The following MED27 variants were observed in gnomAD, a reference collection of about 807,000 sequenced individuals.
The protein encoded by MED27 is mediator of RNA polymerase II transcription subunit 27.
Under a neutral mutation model 38.2 loss-of-function variants are expected in MED27, and 30 were observed. The ratio of observed to expected loss-of-function variants is 0.79; its 90% confidence interval spans 0.59 to 1.07. MED27 has a LOEUF of 1.07. MED27 is among the 50% of genes least tolerant of loss of function. The probability of loss-of-function intolerance (pLI) is 0.00; values close to 1 mark genes in which losing one functional copy is unlikely to be tolerated. For missense variants in MED27, 289 were observed against 397.5 expected (o/e 0.73, Z 2.32); for synonymous variants, 122 against 153.5 (o/e 0.79, Z 1.52).
At chr9:131,943,979 C>T (rs545124053) in intron 3 of MED27, among the ~76,000 whole-genome samples, 2 of 152,202 alleles carry the variant, frequency 1.3e-5, no homozygotes, top group African/African-American at 4.8e-5. Context: ...GTTTCCCTGC[C>T]CTTTGCCCTA....
chr9:132,022,623 C>T (rs1832740598), intron 2 of MED27, among the ~76,000 whole-genome samples: 1 of 152,156 alleles, frequency 6.6e-6, no homozygotes, highest in Non-Finnish European at 1.5e-5. Context: ...CCAATTAAGG[C>T]AGCTAGTGAG....
chr9:132,048,411 T>C (rs1271793810), intron 2 of MED27, among the ~76,000 whole-genome samples: 2 of 152,218 alleles, frequency 1.3e-5, no homozygotes, highest in African/African-American at 4.8e-5. Flanking sequence ...AACTTTCATA[T>C]CAGACCATTC....
intron 2 of MED27, among the ~76,000 whole-genome samples, chr9:132,061,434 C>G (rs748410996): frequency 1.3e-5 from 2 of 152,194 alleles, no homozygotes; most frequent in African/African-American, 2.4e-5. Context: ...CTGCTAGTAG[C>G]TGGTAAGTGA....
At chr9:132,002,754 A>G (rs1393619963) in intron 3 of MED27, among the ~76,000 whole-genome samples, 1 of 152,054 alleles carries the variant, frequency 6.6e-6, no homozygotes, top group African/African-American at 2.4e-5. Flanking sequence ...TCTACTAAAA[A>G]TAACAAAAAA....
chr9:132,042,875 A>T (rs1833248411), intron 2 of MED27, among the ~76,000 whole-genome samples: 1 of 152,228 alleles, frequency 6.6e-6, no homozygotes, highest in African/African-American at 2.4e-5. Flanking sequence ...AAAAGAGGTG[A>T]TCACGTACCA....
At chr9:132,050,124 T>G (rs1564340546) in intron 2 of MED27, among the ~76,000 whole-genome samples, 1 of 152,102 alleles carries the variant, frequency 6.6e-6, no homozygotes, top group East Asian at 1.9e-4. Flanking sequence ...AAATAAGGGT[T>G]CCGGCCACAG....
chr9:132,013,517 C>T (rs1198486309), intron 3 of MED27, among the ~76,000 whole-genome samples: 1 of 152,206 alleles, frequency 6.6e-6, no homozygotes. Context: ...AATCATTAAA[C>T]TGTATGCTCT....
At chr9:131,895,028 G>A (rs866982511) in intron 4 of MED27, among the ~76,000 whole-genome samples, 4 of 152,088 alleles carry the variant, frequency 2.6e-5, no homozygotes, top group Non-Finnish European at 5.9e-5. Context: ...TGTTTGTGAT[G>A]CGGTGCAACA....
chr9:132,014,914 A>G (rs968439595), intron 2 of MED27, among the ~76,000 whole-genome samples: 16 of 152,210 alleles, frequency 1.1e-4, no homozygotes, highest in African/African-American at 3.9e-4. Context: ...ACTACTATTC[A>G]TATGCTTTAT....
At chr9:131,942,201 C>T (rs776310784) in intron 3 of MED27, among the ~76,000 whole-genome samples, 28 of 152,212 alleles carry the variant, frequency 1.8e-4, no homozygotes, top group African/African-American at 5.8e-4. Flanking sequence ...CATCATCTCC[C>T]GTGGTTCCCT....
At chr9:131,908,869 TCAA>T (rs1830133880) in intron 4 of MED27, among the ~76,000 whole-genome samples, 1 of 101,280 alleles carries the variant, frequency 9.9e-6, no homozygotes, top group Non-Finnish European at 2.3e-5. Flanking sequence ...CCAAGAATGA[TCAA>T]TTAAAAAAAA....
intron 3 of MED27, among the ~76,000 whole-genome samples, chr9:131,956,960 CAATAATCA>C (rs1455728989): frequency 6.6e-6 from 1 of 152,074 alleles, no homozygotes; most frequent in East Asian, 1.9e-4. Context: ...GGCTCAACAT[CAATAATCA>C]AAGGAAAATG....
Position 132,015,624 on chromosome 9 carries a change from C to CG in MED27, c.349-1158_349-1157insC, listed in dbSNP as rs1832583959. Among the ~76,000 whole-genome samples the CG allele has an allele frequency of 2.0e-5, 3 of 152,334 alleles. No individual in the cohort carries two copies. The South Asian group carries it at 6.2e-4, about 32-fold the overall frequency. On this transcript the variant is annotated intron_variant, in intron 2 of 7. Coordinates refer to ENST00000292035, the MANE Select transcript of MED27 (RefSeq NM_004269.4). ...AAGCTCATTTGTGCCCTAACGCAGTCAATCCCCTTAGCACCTAACATCAGG... is the reference window on the plus strand; with the variant it reads ...AAGCTCATTTGTGCCCTAACGCAGTCGAATCCCCTTAGCACCTAACATCAGG...
At chr9:132,014,135 G>C (rs1411959910) in intron 3 of MED27, among the ~76,000 whole-genome samples, 3 of 152,016 alleles carry the variant, frequency 2.0e-5, no homozygotes, top group African/African-American at 7.3e-5. Flanking sequence ...GAACTCGAGG[G>C]GGTGGGGGAG....
intron 3 of MED27, among the ~76,000 whole-genome samples, chr9:131,974,897 C>A (rs1156751232): frequency 3.9e-5 from 6 of 152,222 alleles, no homozygotes; most frequent in Admixed American, 3.9e-4. Flanking sequence ...TCTCCCCCTT[C>A]TTTCCCTCAG....
In MED27 at chr9:131,877,196, C is replaced by T. The variant is rs548344009; in HGVS notation, c.723+6862G>A. On this transcript the variant is annotated intron_variant, in intron 6 of 7. Transcript: ENST00000292035. ...TGTCACAACCATGGCCTCTTCCAGG[C>T]CTTCATCTGTGGCATTTGAAGAGAG... Among the ~76,000 whole-genome samples, 59 of 152,234 alleles carry T rather than the reference C, an allele frequency of 3.9e-4. 1 individual carries two copies. The South Asian group carries it at 0.012, about 31-fold the overall frequency.
In MED27 at chr9:131,860,846, T is replaced by C. The variant is rs1564256848; in HGVS notation, c.802-174A>G. 2.0e-5 allele frequency among the ~76,000 whole-genome samples: 3 copies of C among 152,188 alleles called. No individual in the cohort carries two copies. In the East Asian group the frequency reaches 5.8e-4, roughly 29 times the overall value. On this transcript the variant is annotated intron_variant, in intron 7 of 7. Transcript: ENST00000292035. The surrounding 1 kb of genome is among the most constrained non-coding windows in gnomAD (Gnocchi z 5.8). Reference sequence around the variant, plus strand: ...ACCCACAAGGTCACCTGACTGCTGATGTTCACGTCTGATGCTCGCGTGCCC... The same window carrying C: ...ACCCACAAGGTCACCTGACTGCTGACGTTCACGTCTGATGCTCGCGTGCCC...
chr9:131,937,837 T>G (rs1235253963), intron 4 of MED27, among the ~76,000 whole-genome samples: 1 of 152,134 alleles, frequency 6.6e-6, no homozygotes, highest in African/African-American at 2.4e-5. Context: ...GACTTTTTTT[T>G]TTTTTTGAGA....
At chr9:131,959,478 G>A (rs1034650442) in intron 3 of MED27, among the ~76,000 whole-genome samples, 1 of 152,100 alleles carries the variant, frequency 6.6e-6, no homozygotes, top group Non-Finnish European at 1.5e-5. Context: ...TCCTGGCGCC[G>A]CTCTGGAAAA....
Sources: allele counts gnomAD v4.1 joint callset (sites outside exome capture counted in the v4.1 genomes callset), GRCh38; gene constraint gnomAD v4.1.1; non-coding constraint Gnocchi (gnomAD v3.1); transcripts MANE v1.5; gene names NCBI Gene and HGNC (gene_info 2026-07-23, HGNC 2026-07-21).